The following PTPRD variants were observed in gnomAD, a reference collection of about 807,000 sequenced individuals.
PTPRD encodes the protein protein tyrosine phosphatase receptor type D, also known as receptor-type tyrosine-protein phosphatase delta.
A neutral mutation model predicts 214.5 loss-of-function variants in PTPRD; 34 were observed. The observed-to-expected ratio is 0.16, with a 90% CI of 0.12 to 0.21. The LOEUF (loss-of-function observed/expected upper bound fraction) is 0.21. PTPRD is among the 10% of genes least tolerant of loss of function. PTPRD has a pLI of 1.00. For missense variants in PTPRD, 2,545 were observed against 2,398.7 expected (o/e 1.06, Z -1.27); for synonymous variants, 1,128 against 845.7 (o/e 1.33, Z -5.79).
chr9:10,007,870 AGTAAAAT>A (rs2096521300), intron 4 of PTPRD, among the ~76,000 whole-genome samples: 2 of 152,044 alleles, frequency 1.3e-5, no homozygotes, highest in Non-Finnish European at 2.9e-5. Context: ...TAGTTACTTT[AGTAAAAT>A]TTAGGTTATT....
At chr9:9,264,826 T>G (rs1001682128) in intron 9 of PTPRD, among the ~76,000 whole-genome samples, 2 of 151,182 alleles carry the variant, frequency 1.3e-5, no homozygotes, top group Admixed American at 1.3e-4. Context: ...CTCCATGAGA[T>G]TATCAGCCGA....
chr9:8,567,562 T>A (rs1397043396), intron 14 of PTPRD, among the ~76,000 whole-genome samples: 1 of 152,190 alleles, frequency 6.6e-6, no homozygotes, highest in Non-Finnish European at 1.5e-5. Context: ...TTTCCAGCAT[T>A]TTGCTAGGCC....
intron 3 of PTPRD, among the ~76,000 whole-genome samples, chr9:10,110,824 G>A (rs974968649): frequency 1.5e-4 from 23 of 152,192 alleles, no homozygotes; most frequent in South Asian, 2.1e-4. Context: ...ATATTAGGTA[G>A]AATTTATTAT....
intron 11 of PTPRD, among the ~76,000 whole-genome samples, chr9:8,781,667 GAAAT>G (rs2095703902): frequency 1.5e-3 from 1 of 684 alleles, no homozygotes; most frequent in African/African-American, 0.024. Context: ...GTGCTTTAAT[GAAAT>G]GAAATGAATT....
At chr9:9,900,525 C>T (rs990757086) in intron 5 of PTPRD, among the ~76,000 whole-genome samples, 3 of 152,108 alleles carry the variant, frequency 2.0e-5, no homozygotes, top group African/African-American at 4.8e-5. Context: ...TGGTCACAAG[C>T]GCAAGTCTCT....
chr9:10,166,624 A>T (rs1255028829), intron 3 of PTPRD, among the ~76,000 whole-genome samples: 6 of 152,028 alleles, frequency 3.9e-5, no homozygotes, highest in Non-Finnish European at 1.5e-5. Context: ...ATTCATCAGC[A>T]TAAACTCTGC....
chr9:9,418,082 G>C (rs568755287), intron 8 of PTPRD, among the ~76,000 whole-genome samples: 2 of 152,000 alleles, frequency 1.3e-5, no homozygotes, highest in African/African-American at 4.8e-5. Context: ...TTTCTCATCT[G>C]TGTAAGAGCA....
At chr9:9,131,353 C>G (rs369184210) in intron 10 of PTPRD, among the ~76,000 whole-genome samples, 137 of 152,196 alleles carry the variant, frequency 9.0e-4, no homozygotes, top group African/African-American at 3.3e-3. Context: ...CAACCTATGA[C>G]TAGAAACAAT....
At chr9:8,343,767 C>G (rs919769907) in intron 39 of PTPRD, among the ~76,000 whole-genome samples, 24 of 152,020 alleles carry the variant, frequency 1.6e-4, no homozygotes, top group Admixed American at 1.4e-3. Flanking sequence ...GTGCCCTACA[C>G]AAAGCATGCA....
At chr9:10,142,001 C>T (rs2098988887) in intron 3 of PTPRD, among the ~76,000 whole-genome samples, 1 of 152,108 alleles carries the variant, frequency 6.6e-6, no homozygotes, top group African/African-American at 2.4e-5. Context: ...TTTGACAAAC[C>T]TGACCAAAAC....
intron 35 of PTPRD, among the ~76,000 whole-genome samples, chr9:8,429,324 T>C (rs2094896538): frequency 6.6e-6 from 1 of 152,126 alleles, no homozygotes; most frequent in South Asian, 2.1e-4. Context: ...TGACCTTGGG[T>C]AAGTCACTTC....
chr9:8,647,058 C>T lies in PTPRD; in HGVS notation c.65-10214G>A, dbSNP rs1182541849. Among the ~76,000 whole-genome samples, 12 of 152,222 alleles carry T rather than the reference C, an allele frequency of 7.9e-5. No individual in the cohort carries two copies. In the East Asian group the frequency reaches 1.4e-3, roughly 17 times the overall value. ...TACATTGATATGACATAGTGAGAGA[C>T]GAATAGATCCATGCGAAGCCCTAAG... On this transcript the variant is annotated intron_variant, in intron 12 of 45. Coordinates refer to ENST00000381196, the MANE Select transcript of PTPRD (RefSeq NM_002839.4).
At chr9:9,580,535 T>C (rs663883) in intron 7 of PTPRD, among the ~76,000 whole-genome samples, 127,653 of 146,932 alleles carry the variant, frequency 0.87, 55,836 homozygotes, top group Middle Eastern at 0.99. Flanking sequence ...TGTCCTTAGC[T>C]TACTTTATTT....
chr9:8,600,431 G>A (rs1336332668), intron 14 of PTPRD, among the ~76,000 whole-genome samples: 1 of 152,058 alleles, frequency 6.6e-6, no homozygotes, highest in East Asian at 1.9e-4. Context: ...TCCAGCCTGG[G>A]TAGTTAAGGG....
At chr9:9,857,113 G>A (rs557156694) in intron 5 of PTPRD, among the ~76,000 whole-genome samples, 2 of 152,206 alleles carry the variant, frequency 1.3e-5, no homozygotes, top group East Asian at 1.9e-4. Context: ...TCAACTTTGT[G>A]GAAACTGTAC....
intron 11 of PTPRD, among the ~76,000 whole-genome samples, chr9:8,761,261 T>C (rs116102624): frequency 1.2e-3 from 175 of 152,170 alleles, no homozygotes; most frequent in African/African-American, 4.0e-3. Flanking sequence ...AAAATAGAAG[T>C]TTTAACATGG....
intron 9 of PTPRD, among the ~76,000 whole-genome samples, chr9:9,373,998 G>A (rs1245997564): frequency 6.6e-6 from 1 of 151,482 alleles, no homozygotes. Flanking sequence ...CATAATACAG[G>A]CATTTTAATG....
At chr9:8,626,477 T>G (rs1242706092) in intron 14 of PTPRD, among the ~76,000 whole-genome samples, 1 of 151,882 alleles carries the variant, frequency 6.6e-6, no homozygotes, top group Non-Finnish European at 1.5e-5. Context: ...AATGGTTAAT[T>G]GTACGTGTCA....
At chr9:10,321,850 T>A (rs1303121834) in intron 3 of PTPRD, among the ~76,000 whole-genome samples, 3 of 152,020 alleles carry the variant, frequency 2.0e-5, no homozygotes, top group African/African-American at 7.2e-5. Flanking sequence ...GGGTAAATGT[T>A]TCAGTTTTTT....
Sources: gnomAD v4.1 joint callset for allele counts (sites outside exome capture counted in the v4.1 genomes callset) on GRCh38, gnomAD v4.1.1 for gene constraint, MANE v1.5 for transcripts, NCBI Gene and HGNC (gene_info 2026-07-23, HGNC 2026-07-21) for gene names.